SPTBN4: variants seen among roughly 807,000 people sequenced by gnomAD.
SPTBN4 encodes the protein spectrin beta, non-erythrocytic 4, also known as spectrin beta chain, non-erythrocytic 4.
A neutral mutation model predicts 277.8 loss-of-function variants in SPTBN4; 96 were observed. The ratio of observed to expected loss-of-function variants is 0.35; its 90% confidence interval spans 0.29 to 0.41. SPTBN4 has a LOEUF of 0.41. SPTBN4 is among the 10% of genes least tolerant of loss of function. SPTBN4 has a pLI of 1.00. For synonymous variants in SPTBN4, 1,481 were observed against 1,580.3 expected (o/e 0.94, Z 1.49); for missense variants, 3,006 against 3,595.7 (o/e 0.84, Z 4.19).
intron 2 of SPTBN4, among the ~76,000 whole-genome samples, chr19:40,484,351 CTT>C (rs968663045): frequency 2.0e-5 from 3 of 152,216 alleles, no homozygotes; most frequent in South Asian, 2.1e-4. Flanking sequence ...TAATAGGAAA[CTT>C]AATATTATTT....
intron 15 of SPTBN4, among the ~76,000 whole-genome samples, chr19:40,517,223 A>C (rs1182486670): frequency 6.6e-6 from 1 of 152,168 alleles, no homozygotes; most frequent in African/African-American, 2.4e-5. Flanking sequence ...CCAAGGTTAC[A>C]CAGCAAGTTA....
intron 3 of SPTBN4, among the ~76,000 whole-genome samples, chr19:40,489,236 G>GAAAGAAAA (rs1376540676): frequency 2.3e-4 from 34 of 145,626 alleles, no homozygotes; most frequent in Admixed American, 1.6e-3. Context: ...AAAAAAGAAA[G>GAAAGAAAA]AAAAAAAAGA....
At position 40,567,905 on chromosome 19, in the gene SPTBN4, C is replaced by T; in HGVS notation, c.6579C>T (p.Asp2193=). The change falls in exon 31 of 36, where the codon GAC becomes GAT. Residue 2193 remains aspartate, a synonymous_variant. Transcript: ENST00000598249. ...CCGAGCGCCTCCAGCCGCGCATTGA[C>T]CGGCTGCCGGAGATCCCGGGGAGGG... The part of the protein sequence containing the change: ...LKPERLQPRI[D]RLPEIPGRVE... 1 of 1,522,690 alleles carries T rather than the reference C, an allele frequency of 6.6e-7. No individual in the cohort carries two copies. Among genetic ancestry groups the T allele is most frequent in the Admixed American group, 2.1e-5 (1 of 48,232 alleles). 94.3% of individuals were successfully genotyped at this position (1,522,690 alleles called of 1,614,324 possible). A position where few individuals can be genotyped will look rare whatever the true frequency, so the allele number is the denominator to read the frequency against.
chr19:40,537,449 G>A (rs1211206502), intron 20 of SPTBN4, among the ~76,000 whole-genome samples: 2 of 152,228 alleles, frequency 1.3e-5, no homozygotes, highest in Admixed American at 1.3e-4. Flanking sequence ...GAATGGTGAA[G>A]GCAAATAACA....
intron 7 of SPTBN4, among the ~76,000 whole-genome samples, chr19:40,501,333 C>T (rs2080261057): frequency 6.6e-6 from 1 of 151,882 alleles, no homozygotes; most frequent in African/African-American, 2.4e-5. Context: ...GAGAACAGCA[C>T]ATGCAAAGGC....
rs2080268512 is a variant in SPTBN4, at chr19:40,502,067, C to T, written c.897+34C>T. 4 of 1,613,754 alleles carry T rather than the reference C, an allele frequency of 2.5e-6. No homozygotes were observed. The East Asian group carries it at 8.9e-5, about 36-fold the overall frequency. On this transcript the variant is annotated intron_variant, in intron 8 of 35. Coordinates refer to ENST00000598249, the MANE Select transcript of SPTBN4 (RefSeq NM_020971.3). The surrounding 1 kb of genome is among the most constrained non-coding windows in gnomAD (Gnocchi z 4.9). ...AGCCAAGGAGTGGGTGAGTGGGAAG[C>T]TGGAAGCTGGTGGCAGGCACGGGTG...
intron 18 of SPTBN4, among the ~76,000 whole-genome samples, chr19:40,531,480 T>G (rs1311028184): frequency 4.2e-5 from 5 of 119,214 alleles, no homozygotes; most frequent in African/African-American, 8.0e-5. Flanking sequence ...TTTTTTTTTT[T>G]TTTTTTTTTT....
At chr19:40,506,825 A>G (rs1271655511) in intron 13 of SPTBN4, among the ~76,000 whole-genome samples, 1 of 152,110 alleles carries the variant, frequency 6.6e-6, no homozygotes, top group East Asian at 1.9e-4. Flanking sequence ...CAAAATAAAT[A>G]AATAAATAAA....
chr19:40,474,229 T>C (rs1432713973), intron 2 of SPTBN4, among the ~76,000 whole-genome samples: 3 of 149,134 alleles, frequency 2.0e-5, no homozygotes, highest in African/African-American at 7.4e-5. Context: ...GAAATTTTAG[T>C]CATTGTTCCC....
rs749142260 is a variant in SPTBN4 at position 40,560,374 on chromosome 19, C to G, written c.5886C>G (p.Ala1962=). The G allele has an allele frequency of 1.2e-6, 2 of 1,614,080 alleles. No individual in the cohort carries two copies. Among genetic ancestry groups the G allele is most frequent in the South Asian group, 2.2e-5 (2 of 91,088 alleles). The change falls in exon 27 of 36, where the codon GCC becomes GCG. Residue 1962 remains alanine, a synonymous_variant. Transcript: ENST00000598249. The surrounding 1 kb of genome is among the most constrained non-coding windows in gnomAD (Gnocchi z 5.2). ...TGCTCTCCTGGATGGATGGCATCGC[C>G]AGCCAGATTGGGGCAGCCGACAAGC... ...RDLLSWMDGI[A]SQIGAADKPR...
chr19:40,523,457 G>A lies in SPTBN4; in HGVS notation c.3675G>A (p.Ala1225=), dbSNP rs747239870. 2.9e-5 allele frequency: 46 copies of A among 1,609,086 alleles called. No individual in the cohort carries two copies. The highest frequency in any genetic ancestry group is 3.4e-5 in the Non-Finnish European group (40 of 1,177,652). The change falls in exon 17 of 36, where the codon GCG becomes GCA. Residue 1225 remains alanine (A), a synonymous_variant. Coordinates refer to ENST00000598249, the MANE Select transcript of SPTBN4 (RefSeq NM_020971.3). The part of the protein sequence containing the change: ...LRNQEMALSG[A]ELPGTVESVE... ...CCCAGGAGATGGCGCTGTCTGGTGC[G>A]GAGCTCCCGGGCACAGTGGAATCGG...
At chr19:40,497,716 C>A in intron 7 of SPTBN4, 112 bp downstream of exon 7, 1 of 829,756 alleles carries the variant, frequency 1.2e-6, no homozygotes, top group South Asian at 1.5e-5. Context: ...CCTGAGGCCT[C>A]TCCAAATCCC....
intron 20 of SPTBN4, among the ~76,000 whole-genome samples, chr19:40,537,235 C>T (rs893425388): frequency 3.3e-5 from 5 of 152,162 alleles, no homozygotes; most frequent in Non-Finnish European, 5.9e-5. Flanking sequence ...GTCTCGAACT[C>T]GTGGCCTCAG....
chr19:40,569,041 C>G lies in SPTBN4; in HGVS notation c.6957-616C>G, dbSNP rs111641337. On this transcript the variant is annotated intron_variant, in intron 31 of 35. Transcript: ENST00000598249. ...GTCATCAATGATGACCGAGAATTAT[C>G]TGGGCTGGAATGGGGGCGATTGGGG... is the stretch of plus-strand genomic sequence containing the variant. 2.2e-4 allele frequency among the ~76,000 whole-genome samples: 33 copies of G among 152,128 alleles called. 1 individual carries two copies. Among genetic ancestry groups the G allele is most frequent in the Middle Eastern group, 3.4e-3 (1 of 294 alleles).
chr19:40,530,742 T>G (rs2080658428), intron 18 of SPTBN4: 2 of 197,354 alleles, frequency 1.0e-5, no homozygotes, highest in South Asian at 1.8e-4. Context: ...ACCCCCACCC[T>G]GGGGGAGGGG....
chr19:40,571,845 C>G (rs1020450235), intron 33 of SPTBN4, 174 bp from the exon 34 acceptor site: 4 of 623,612 alleles, frequency 6.4e-6, no homozygotes, highest in Non-Finnish European at 7.8e-6. Context: ...AAATGCTCCC[C>G]TCAGGGCAGC....
chr19:40,531,442 G>A (rs566629617), intron 18 of SPTBN4, among the ~76,000 whole-genome samples: 15 of 148,828 alleles, frequency 1.0e-4, no homozygotes, highest in African/African-American at 3.7e-4. Flanking sequence ...TCCCGGGACC[G>A]CGGAGCTGGA....
At chr19:40,518,585 C>A (rs1454034730) in intron 15 of SPTBN4, among the ~76,000 whole-genome samples, 2 of 151,802 alleles carry the variant, frequency 1.3e-5, no homozygotes, top group Non-Finnish European at 2.9e-5. Flanking sequence ...GGTGTGCACC[C>A]CCACGCCCAG....
intron 15 of SPTBN4, among the ~76,000 whole-genome samples, chr19:40,516,237 CAAAA>C (rs61403353): frequency 7.5e-4 from 84 of 112,282 alleles, no homozygotes; most frequent in African/African-American, 2.3e-3. Flanking sequence ...GACCTTGTCT[CAAAA>C]AAAAAAAAAA....
Sources: gnomAD v4.1 joint callset for allele counts (sites outside exome capture counted in the v4.1 genomes callset) on GRCh38, gnomAD v4.1.1 for gene constraint, Gnocchi (gnomAD v3.1) non-coding constraint, MANE v1.5 for transcripts, NCBI Gene and HGNC (gene_info 2026-07-23, HGNC 2026-07-21) for gene names.